TNFRSF1B: variants seen among roughly 807,000 people sequenced by gnomAD.
TNFRSF1B encodes tumor necrosis factor receptor superfamily member 1B.
TNFRSF1B carries 19 observed loss-of-function variants against 44.6 expected under a neutral mutation model. The ratio of observed to expected loss-of-function variants is 0.43; its 90% CI spans 0.30 to 0.62. TNFRSF1B has a LOEUF of 0.62. Among genes scored for constraint, TNFRSF1B ranks in the 20% least tolerant of loss-of-function variants. The probability of loss-of-function intolerance (pLI) is 0.16; values close to 1 mark genes in which losing one functional copy is unlikely to be tolerated. For synonymous variants in TNFRSF1B, 252 were observed against 261.1 expected (o/e 0.97, Z 0.34); for missense variants, 541 against 619.9 (o/e 0.87, Z 1.35).
At chr1:12,175,260 G>A (rs180984255) in intron 1 of TNFRSF1B, among the ~76,000 whole-genome samples, 146 of 152,344 alleles carry the variant, frequency 9.6e-4, no homozygotes, top group African/African-American at 3.4e-3. Context: ...GCTTCCGGGA[G>A]AACTTGGCCA....
At chr1:12,194,220 G>T (rs1308947710) in intron 7 of TNFRSF1B, among the ~76,000 whole-genome samples, 188 bp downstream of exon 7, 1 of 152,134 alleles carries the variant, frequency 6.6e-6, no homozygotes, top group Non-Finnish European at 1.5e-5. Context: ...AAGGCAAGAG[G>T]TGATCAGGGT....
rs17883721 is a variant in TNFRSF1B, at chr1:12,188,536, C to T, written c.79-260C>T. Among the ~76,000 whole-genome samples, 313 of 152,310 alleles carry T rather than the reference C, an allele frequency of 2.1e-3. 1 individual carries two copies. The highest frequency in any genetic ancestry group is 7.1e-3 in the African/African-American group (295 of 41,546). ...CCATGCAGTGTTAGGGGTCACCCAG[C>T]ACTGGAGAAGGCCAGCAGAGTCAGT... On this transcript the variant is annotated intron_variant, in intron 1 of 9. Transcript: ENST00000376259.
In TNFRSF1B at chr1:12,169,613, A is replaced by G. The variant is rs1323476130; in HGVS notation, c.78+2444A>G. On this transcript the variant is annotated intron_variant, in intron 1 of 9. Transcript: ENST00000376259. The surrounding 1 kb of genome is among the most constrained non-coding windows in gnomAD (Gnocchi z 4.5). ...TCAGGATGGAAGTCAACTGAGCTGC[A>G]GAAGAAGCCCCCAGGAGACCTGAGC... Among the ~76,000 whole-genome samples, 1 of 152,262 alleles carries G rather than the reference A, an allele frequency of 6.6e-6. No homozygotes were observed. The highest frequency in any genetic ancestry group is 2.4e-5 in the African/African-American group (1 of 41,472).
Position 12,191,043 on chromosome 1 carries a change from T to C in TNFRSF1B, c.265T>C (p.Trp89Arg), listed in dbSNP as rs1251173550. The change falls in exon 3 of 10, where the codon TGG becomes CGG. Residue 89 changes from tryptophan (W) to arginine (R), a missense_variant. Transcript: ENST00000376259. ...CAGCACATACACCCAGCTCTGGAAC[T>C]GGGTTCCCGAGTGCTTGAGCTGTGG... The part of the protein sequence containing the change: ...EDSTYTQLWN[W>R]VPECLSCGSR... 1 of 1,614,072 alleles carries C rather than the reference T, an allele frequency of 6.2e-7. No homozygotes were observed. The highest frequency in any genetic ancestry group is 8.5e-7 in the Non-Finnish European group (1 of 1,180,022).
rs778969039 is a variant in TNFRSF1B, at chr1:12,168,616, G to T, written c.78+1447G>T. Among the ~76,000 whole-genome samples the T allele has an allele frequency of 6.6e-6, 1 of 152,154 alleles. No individual in the cohort carries two copies. Among genetic ancestry groups the T allele is most frequent in the Non-Finnish European group, 1.5e-5 (1 of 68,004 alleles). On this transcript the variant is annotated intron_variant, in intron 1 of 9. Coordinates refer to ENST00000376259, the MANE Select transcript of TNFRSF1B (RefSeq NM_001066.3). This position sits in a 1 kb window ranked among gnomAD's most constrained non-coding sequence, Gnocchi z 4.7. ...ATGTGAGCCCCTGGATGGGAGAGGG[G>T]TGTCAGGCACAGGGCTCAGCAGGAC... is the stretch of plus-strand genomic sequence containing the variant.
At chr1:12,188,107 G>A (rs1450465160) in intron 1 of TNFRSF1B, among the ~76,000 whole-genome samples, 4 of 152,158 alleles carry the variant, frequency 2.6e-5, no homozygotes, top group Admixed American at 1.3e-4. Context: ...GATGAGTGCC[G>A]GCTCTACGGT....
In TNFRSF1B at chr1:12,192,462, C is replaced by T. The variant is rs750854322; in HGVS notation, c.489C>T (p.Pro163=). 4 of 1,614,142 alleles carry T rather than the reference C, an allele frequency of 2.5e-6. No homozygotes were observed. Among genetic ancestry groups the T allele is most frequent in the Non-Finnish European group, 2.5e-6 (3 of 1,180,018 alleles). The change falls in exon 5 of 10, where the codon CCC becomes CCT. Residue 163 remains proline, a synonymous_variant. Transcript: ENST00000376259. The part of the protein sequence containing the change: ...GTETSDVVCK[P]CAPGTFSNTT... Reference sequence around the variant, plus strand: ...AAACATCAGACGTGGTGTGCAAGCCCTGTGCCCCGGGGACGTTCTCCAACA... The same window carrying T: ...AAACATCAGACGTGGTGTGCAAGCCTTGTGCCCCGGGGACGTTCTCCAACA...
At chr1:12,174,163 TCTCCTTCTCCTTCTC>T (rs1557623693) in intron 1 of TNFRSF1B, among the ~76,000 whole-genome samples, 29 of 62,686 alleles carry the variant, frequency 4.6e-4, no homozygotes, top group South Asian at 2.0e-3. Context: ...TTCTTCTTCT[TCTCCTTCTCCTTCTC>T]CTTCTCCTTC....
chr1:12,167,034 T>C lies in TNFRSF1B; in HGVS notation c.-58T>C. ...GCAGCGGAGCCTGGAGAGAAGGCGCTGGGCTGCGAGGGCGCGAGGGCGCGA... is the reference window on the plus strand; with the variant it reads ...GCAGCGGAGCCTGGAGAGAAGGCGCCGGGCTGCGAGGGCGCGAGGGCGCGA... On this transcript the variant is annotated 5_prime_UTR_variant, in exon 1 of 10. Transcript: ENST00000376259. 2 of 1,183,374 alleles carry C rather than the reference T, an allele frequency of 1.7e-6. No individual in the cohort carries two copies. The highest frequency in any genetic ancestry group is 2.8e-5 in the South Asian group (1 of 36,362). The allele number at this position is 1,183,374 out of a possible 1,614,324, so 73.3% of individuals were successfully genotyped here.
Position 12,186,629 on chromosome 1 carries a change from T to C in TNFRSF1B, c.79-2167T>C, listed in dbSNP as rs775316276. ...TTGAAACCAGTTCTTTCTGACTCCC[T>C]GTATCCTTATCTATGGAGAGGCCCC... On this transcript the variant is annotated intron_variant, in intron 1 of 9. Coordinates refer to ENST00000376259, the MANE Select transcript of TNFRSF1B (RefSeq NM_001066.3). This position sits in a 1 kb window ranked among gnomAD's most constrained non-coding sequence, Gnocchi z 4.8. 2.6e-5 allele frequency among the ~76,000 whole-genome samples: 4 copies of C among 152,240 alleles called. No homozygotes were observed. The highest frequency in any genetic ancestry group is 5.9e-5 in the Non-Finnish European group (4 of 68,038).
In TNFRSF1B at chr1:12,207,939, T is replaced by C. The variant is rs1231579765; in HGVS notation, c.*919T>C. The stretch of plus-strand genomic sequence containing the variant: ...GAAAAAAAAAAGCACCGCCTCCAAA[T>C]GCCAACTTGTCCTTTTGTACCATGG... On this transcript the variant is annotated 3_prime_UTR_variant, in exon 10 of 10. Transcript: ENST00000376259. 6 of 151,274 alleles carry C rather than the reference T, an allele frequency of 4.0e-5. 1 individual carries two copies. The East Asian group carries it at 1.2e-3, about 29-fold the overall frequency. 9.4% of individuals were successfully genotyped at this position (151,274 alleles called of 1,614,324 possible). A position where few individuals can be genotyped will look rare whatever the true frequency, so the allele number is the denominator to read the frequency against.
At position 12,180,725 on chromosome 1, in the gene TNFRSF1B, A is replaced by C. The variant is rs985961273; in HGVS notation, c.79-8071A>C. 1.3e-5 allele frequency among the ~76,000 whole-genome samples: 2 copies of C among 152,034 alleles called. No individual in the cohort carries two copies. Among genetic ancestry groups the C allele is most frequent in the Non-Finnish European group, 2.9e-5 (2 of 67,984 alleles). ...GGGGACGGTGTGCAGGGAGGGTGGA[A>C]CCTGACTGACCGGGTCAGCCTTACT... On this transcript the variant is annotated intron_variant, in intron 1 of 9. Transcript: ENST00000376259. This position sits in a 1 kb window ranked among gnomAD's most constrained non-coding sequence, Gnocchi z 4.3.
In TNFRSF1B at chr1:12,168,478, A is replaced by C. The variant is rs891303508; in HGVS notation, c.78+1309A>C. Among the ~76,000 whole-genome samples the C allele has an allele frequency of 1.3e-5, 2 of 152,098 alleles. No homozygotes were observed. The highest frequency in any genetic ancestry group is 2.4e-5 in the African/African-American group (1 of 41,434). On this transcript the variant is annotated intron_variant, in intron 1 of 9. Transcript: ENST00000376259. This position sits in a 1 kb window ranked among gnomAD's most constrained non-coding sequence, Gnocchi z 4.7. ...AGTCCCCACTCTAGGGCCGAGTGTG[A>C]ATGGGGACGACCGTGGTCCCCAGCT...
chr1:12,172,463 G>C (rs1638543915), intron 1 of TNFRSF1B, among the ~76,000 whole-genome samples: 1 of 152,226 alleles, frequency 6.6e-6, no homozygotes, highest in Non-Finnish European at 1.5e-5. Context: ...AGCTATTTGA[G>C]CCATTGGTGG....
At chr1:12,193,424 A>G (rs1203041940) in intron 6 of TNFRSF1B, among the ~76,000 whole-genome samples, 1 of 152,202 alleles carries the variant, frequency 6.6e-6, no homozygotes, top group Admixed American at 6.5e-5. Flanking sequence ...AAAAAATTAA[A>G]AAATTATTTG....
rs955016613 is a variant in TNFRSF1B, at chr1:12,178,333, C to T, written c.79-10463C>T. Among the ~76,000 whole-genome samples the T allele has an allele frequency of 2.6e-5, 4 of 152,172 alleles. No individual in the cohort carries two copies. Among genetic ancestry groups the T allele is most frequent in the Admixed American group, 6.5e-5 (1 of 15,286 alleles). On this transcript the variant is annotated intron_variant, in intron 1 of 9. Transcript: ENST00000376259. This position sits in a 1 kb window ranked among gnomAD's most constrained non-coding sequence, Gnocchi z 4.3. The stretch of plus-strand genomic sequence containing the variant: ...GGTGACACTGAGCTCTTTCCACTGC[C>T]GGGCACGGTGCCAAGCACGCCACGT...
intron 1 of TNFRSF1B, among the ~76,000 whole-genome samples, chr1:12,174,211 TCTC>T (rs1638597147): frequency 7.2e-6 from 1 of 138,634 alleles, no homozygotes; most frequent in African/African-American, 2.8e-5. Context: ...TCCTTCTCCT[TCTC>T]CTTCTCCTTC....
Position 12,199,339 on chromosome 1 carries a change from T to C in TNFRSF1B, c.901-2628T>C, listed in dbSNP as rs1639338802. ...CCTGGGCGGAGGTTCAGCATGAACTTGCAATGCCCTCCATCTCTCCAAAAC... is the reference window on the plus strand; with the variant it reads ...CCTGGGCGGAGGTTCAGCATGAACTCGCAATGCCCTCCATCTCTCCAAAAC... On this transcript the variant is annotated intron_variant, in intron 8 of 9. Transcript: ENST00000376259. This position sits in a 1 kb window ranked among gnomAD's most constrained non-coding sequence, Gnocchi z 4.0. 6.6e-6 allele frequency among the ~76,000 whole-genome samples: 1 copy of C among 152,188 alleles called. No homozygotes were observed. The highest frequency in any genetic ancestry group is 2.1e-4 in the South Asian group (1 of 4,830).
intron 8 of TNFRSF1B, among the ~76,000 whole-genome samples, 183 bp from the exon 9 acceptor site, chr1:12,201,782 CCA>C (rs1639394413): frequency 6.6e-6 from 1 of 152,156 alleles, no homozygotes; most frequent in Non-Finnish European, 1.5e-5. Context: ...AACACAGAAA[CCA>C]CGGAGAATCA....
Sources: gnomAD v4.1 joint callset for allele counts (sites outside exome capture counted in the v4.1 genomes callset) on GRCh38, gnomAD v4.1.1 for gene constraint, Gnocchi (gnomAD v3.1) non-coding constraint, MANE v1.5 for transcripts, NCBI Gene and HGNC (gene_info 2026-07-23, HGNC 2026-07-21) for gene names.